The following VPS13A variants were observed in gnomAD, a reference collection of about 807,000 sequenced individuals.
VPS13A encodes vacuolar protein sorting 13 homolog A.
VPS13A carries 264 observed loss-of-function variants against 390.9 expected under a neutral mutation model. That is an observed-to-expected ratio of 0.68 (90% CI 0.61 to 0.75). The LOEUF (loss-of-function observed/expected upper bound fraction) is 0.75, where lower values mean the gene tolerates loss of function less well. Among genes scored for constraint, VPS13A ranks in the 30% least tolerant of loss-of-function variants. VPS13A has a pLI of 0.00. For missense variants in VPS13A, 3,409 were observed against 3,733.9 expected (o/e 0.91, Z 2.27); for synonymous variants, 1,231 against 1,227.1 (o/e 1.00, Z -0.07).
chr9:77,279,058 C>T (rs1165630338), intron 26 of VPS13A, among the ~76,000 whole-genome samples: 1 of 152,220 alleles, frequency 6.6e-6, no homozygotes, highest in Non-Finnish European at 1.5e-5. Context: ...GCTCTTTCAA[C>T]TTTGCCATCT....
chr9:77,383,583 T>C (rs534161054), intron 68 of VPS13A, among the ~76,000 whole-genome samples: 16 of 152,192 alleles, frequency 1.1e-4, no homozygotes, highest in Admixed American at 3.3e-4. Context: ...ATCCTCATTA[T>C]AAGTGAGCAC....
intron 31 of VPS13A, among the ~76,000 whole-genome samples, chr9:77,291,759 A>G (rs141305078): frequency 6.6e-6 from 1 of 152,242 alleles, no homozygotes; most frequent in East Asian, 1.9e-4. Context: ...TGGTTTGGAT[A>G]GGCTTGTTAG....
intron 5 of VPS13A, among the ~76,000 whole-genome samples, chr9:77,207,228 T>TAG (rs1564630188): frequency 1.1e-5 from 1 of 93,334 alleles, no homozygotes; most frequent in African/African-American, 3.6e-5. Context: ...TATATATATA[T>TAG]ATATATATAT....
intron 67 of VPS13A, among the ~76,000 whole-genome samples, chr9:77,372,642 A>T (rs924228942): frequency 6.6e-6 from 1 of 152,116 alleles, no homozygotes; most frequent in African/African-American, 2.4e-5. Context: ...CAGGGCAATT[A>T]GGCAGGAGAA....
chr9:77,302,782 A>G, intron 33 of VPS13A, 133 bp from the exon 34 acceptor site: 1 of 947,586 alleles, frequency 1.1e-6, no homozygotes, highest in Admixed American at 2.6e-5. Flanking sequence ...AGTCTGATAG[A>G]TATTTTCCCT....
Position 77,323,156 on chromosome 9 carries a change from G to T in VPS13A, c.5920G>T (p.Glu1974Ter). 6.2e-7 allele frequency: 1 copy of T among 1,613,546 alleles called. No homozygotes were observed. ...YTVRHRESGV[E>*]RSIVCQIDTV... ...TGTAAGACACAGAGAGTCTGGCGTTGAAAGATCTATTGTTTGTCAAATTGA... is the reference window on the plus strand; with the variant it reads ...TGTAAGACACAGAGAGTCTGGCGTTTAAAGATCTATTGTTTGTCAAATTGA... Residue 1974 changes from glutamate to a stop codon, truncating the protein, a stop_gained, in exon 45 of 72, where the codon GAA becomes TAA. Transcript: ENST00000360280. LOFTEE classifies it high-confidence loss of function.
In VPS13A at chr9:77,401,415, A is replaced by G. The variant is rs180683648; in HGVS notation, c.9190-1821A>G. 1.2e-4 allele frequency among the ~76,000 whole-genome samples: 18 copies of G among 151,560 alleles called. No individual in the cohort carries two copies. In the East Asian group the frequency reaches 3.5e-3, roughly 29 times the overall value. ...GTCAATAACATCTTTATTATGATAA[A>G]TTTTTATATCCAAGAATAAGATATG... On this transcript the variant is annotated intron_variant, in intron 68 of 71. Coordinates refer to ENST00000360280, the MANE Select transcript of VPS13A (RefSeq NM_033305.3).
chr9:77,343,207 A>G (rs1275707858), intron 50 of VPS13A, among the ~76,000 whole-genome samples: 1 of 152,214 alleles, frequency 6.6e-6, no homozygotes, highest in Non-Finnish European at 1.5e-5. Flanking sequence ...CATGGATAAA[A>G]GCTTTGGGAC....
At chr9:77,281,814 T>C in intron 27 of VPS13A, 53 bp from the exon 28 acceptor site, 1 of 1,132,704 alleles carries the variant, frequency 8.8e-7, no homozygotes, top group South Asian at 1.3e-5. Flanking sequence ...AATGTGATTG[T>C]ATATGTATGT....
chr9:77,351,464 A>AT lies in VPS13A; in HGVS notation c.7419+19dup. 6.2e-7 allele frequency: 1 copy of AT among 1,611,490 alleles called. No individual in the cohort carries two copies. Among genetic ancestry groups the AT allele is most frequent in the Non-Finnish European group, 8.5e-7 (1 of 1,178,236 alleles). On this transcript the variant is annotated intron_variant, in intron 53 of 71. Coordinates refer to ENST00000360280, the MANE Select transcript of VPS13A (RefSeq NM_033305.3). ...AGAAGGATGTAAGTATTGGGTTATT[A>AT]TGGTGTTCCCAGCAGCCTTTTTTAA...
At chr9:77,334,838 A>G (rs1300785185) in intron 46 of VPS13A, among the ~76,000 whole-genome samples, 1 of 152,226 alleles carries the variant, frequency 6.6e-6, no homozygotes, top group Non-Finnish European at 1.5e-5. Context: ...GGAATGTAGA[A>G]GTAGAATAGG....
chr9:77,321,620 C>G lies in VPS13A; in HGVS notation c.5704C>G (p.Pro1902Ala), dbSNP rs768012205. 1.9e-6 allele frequency: 3 copies of G among 1,613,300 alleles called. No individual in the cohort carries two copies. The highest frequency in any genetic ancestry group is 2.2e-5 in the South Asian group (2 of 91,056). The change falls in exon 44 of 72, where the codon CCT (proline) becomes GCT (alanine). Residue 1902 changes from proline (P) to alanine (A), a missense_variant. By Grantham distance (27) the Pro-to-Ala change is conservative. Transcript: ENST00000360280. ...PSDSFSVLNI[P>A]MAKSYVLKNG... ...TGATTCTTTTAGTGTACTCAACATT[C>G]CTATGGCAAAATCATATGTATTGAA...
chr9:77,181,515 CAAAAAAA>C (rs1161800764), intron 1 of VPS13A, among the ~76,000 whole-genome samples: 1 of 80,290 alleles, frequency 1.2e-5, no homozygotes, highest in Non-Finnish European at 2.5e-5. Flanking sequence ...GACCCTGCCT[CAAAAAAA>C]AAAAAAAAAA....
intron 55 of VPS13A, 36 bp from the exon 56 acceptor site, chr9:77,357,652 GATAA>G: frequency 6.3e-7 from 1 of 1,598,084 alleles, no homozygotes; most frequent in Non-Finnish European, 8.5e-7. Flanking sequence ...GTCATTTATA[GATAA>G]ATTAATTTTT....
intron 19 of VPS13A, among the ~76,000 whole-genome samples, chr9:77,242,215 A>G (rs1479585794): frequency 2.6e-5 from 4 of 152,028 alleles, no homozygotes; most frequent in Non-Finnish European, 5.9e-5. Flanking sequence ...CTTTATCCTT[A>G]TTGGTAGATA....
intron 69 of VPS13A, among the ~76,000 whole-genome samples, chr9:77,404,191 T>C (rs899624195): frequency 2.0e-5 from 3 of 152,204 alleles, no homozygotes; most frequent in African/African-American, 4.8e-5. Flanking sequence ...CTCTGTTCCC[T>C]TCCAAGAGGC....
chr9:77,293,333 T>A lies in VPS13A; in HGVS notation c.3340-8T>A. 1 of 1,607,430 alleles carries A rather than the reference T, an allele frequency of 6.2e-7. No individual in the cohort carries two copies. The highest frequency in any genetic ancestry group is 8.5e-7 in the Non-Finnish European group (1 of 1,175,734). On this transcript the variant is annotated splice_region_variant and splice_polypyrimidine_tract_variant and intron_variant, in intron 31 of 71. Coordinates refer to ENST00000360280, the MANE Select transcript of VPS13A (RefSeq NM_033305.3). ...TGGATTGTGATAATTAAATTTTCTC[T>A]TATTAAGGCTGTTTATATCACTGGA...
chr9:77,359,789 G>T (rs1461451999), intron 58 of VPS13A, among the ~76,000 whole-genome samples: 2 of 149,244 alleles, frequency 1.3e-5, no homozygotes, highest in African/African-American at 5.0e-5. Context: ...CTGCACTCCA[G>T]CCTGGGTGAC....
intron 68 of VPS13A, among the ~76,000 whole-genome samples, chr9:77,388,027 C>T (rs969618360): frequency 3.0e-4 from 46 of 152,120 alleles, no homozygotes; most frequent in Admixed American, 6.5e-4. Flanking sequence ...GCTGTTACTG[C>T]GTATTTTCTA....
Sources: allele counts gnomAD v4.1 joint callset (sites outside exome capture counted in the v4.1 genomes callset), GRCh38; gene constraint gnomAD v4.1.1; transcripts MANE v1.5; gene names NCBI Gene and HGNC (gene_info 2026-07-23, HGNC 2026-07-21).